Variants in C17orf113 observed in about 807,000 individuals in gnomAD.
The protein encoded by C17orf113 is chromosome 17 open reading frame 113.
Under a neutral mutation model 11.6 loss-of-function variants are expected in C17orf113, and 5 were observed. The observed-to-expected ratio is 0.43, with a 90% CI of 0.23 to 0.91. The LOEUF is 0.91. Among genes scored for constraint, C17orf113 ranks in the 40% least tolerant of loss-of-function variants. The probability of loss-of-function intolerance (pLI) is 0.26; values close to 1 mark genes in which losing one functional copy is unlikely to be tolerated. For synonymous variants in C17orf113, 327 were observed against 390.6 expected (o/e 0.84, Z 1.92); for missense variants, 714 against 841.3 (o/e 0.85, Z 1.87).
chr17:42,043,726 G>A (rs2053083182), intron 1 of C17orf113, among the ~76,000 whole-genome samples, 163 bp from the exon 2 acceptor site: 1 of 152,070 alleles, frequency 6.6e-6, no homozygotes, highest in African/African-American at 2.4e-5. Flanking sequence ...TCATGCAAAG[G>A]GCCCTAGAGC....
chr17:42,041,080 AG>A lies in C17orf113; in HGVS notation c.652del (p.Leu218TrpfsTer143). On this transcript the variant is annotated frameshift_variant, in exon 3 of 3. Transcript: ENST00000587304. LOFTEE classifies it low-confidence loss of function (END_TRUNC). ...ETRDWPESHSLALFATSVSPC... is the reference protein window; with the variant it reads ...ETRDWPESHSXALFATSVSPC... ...GGACACTGAAGTGGCAAACAGGGCCAGGCTGTGTGACTCCGGCCAGTCTCTG... is the reference window on the plus strand; with the variant it reads ...GGACACTGAAGTGGCAAACAGGGCCAGCTGTGTGACTCCGGCCAGTCTCTG... The A allele has an allele frequency of 8.1e-7, 1 of 1,232,402 alleles. No homozygotes were observed. The highest frequency in any genetic ancestry group is 1.0e-6 in the Non-Finnish European group (1 of 988,110). 76.3% of individuals were successfully genotyped at this position (1,232,402 alleles called of 1,614,324 possible).
At chr17:42,048,620 T>G (rs1187940495) in intron 1 of C17orf113, among the ~76,000 whole-genome samples, 1 of 152,126 alleles carries the variant, frequency 6.6e-6, no homozygotes, top group Non-Finnish European at 1.5e-5. Context: ...CCATCCTTCT[T>G]CCTAGGTGCC....
intron 1 of C17orf113, among the ~76,000 whole-genome samples, chr17:42,046,827 G>C (rs2053170225): frequency 6.8e-6 from 1 of 147,082 alleles, no homozygotes; most frequent in Non-Finnish European, 1.5e-5. Flanking sequence ...AAGAACTCTT[G>C]TTTCTGAGAC....
Position 42,039,915 on chromosome 17 carries a change from C to T in C17orf113, c.1818G>A (p.Ala606=), listed in dbSNP as rs1044121932. Residue 606 remains alanine, a synonymous_variant, in exon 3 of 3, where the codon GCG becomes GCA. Transcript: ENST00000587304. ...DFAALAALAL[A]LPAGAGLLDK... is the part of the protein sequence containing the mutation. ...CCAGCAGGCCAGCGCCCGCGGGCAG[C>T]GCCAAAGCCAAGGCGGCTAGGGCGG... 1.8e-4 allele frequency: 223 copies of T among 1,231,158 alleles called. No individual in the cohort carries two copies. Among genetic ancestry groups the T allele is most frequent in the Non-Finnish European group, 2.2e-4 (215 of 987,636 alleles). The allele number at this position is 1,231,158 out of a possible 1,614,324, so 76.3% of individuals were successfully genotyped here.
In C17orf113 at chr17:42,040,486, A is replaced by C; in HGVS notation, c.1247T>G (p.Leu416Arg). Residue 416 changes from leucine (L) to arginine (R), a missense_variant, in exon 3 of 3, where the codon CTT becomes CGT. Leu to Arg is a moderately radical substitution (Grantham distance 102). Transcript: ENST00000587304. ...DALPSVQKLS[L>R]VLQAEEPDLA... The stretch of plus-strand genomic sequence containing the variant: ...GTCCGGCTCTTCTGCCTGCAGGACA[A>C]GGGAGAGCTTCTGCACAGAGGGCAG... 1.6e-6 allele frequency: 2 copies of C among 1,232,400 alleles called. No homozygotes were observed. Among genetic ancestry groups the C allele is most frequent in the East Asian group, 3.2e-5 (1 of 31,696 alleles). The allele number at this position is 1,232,400 out of a possible 1,614,324, so 76.3% of individuals were successfully genotyped here.
At position 42,043,209 on chromosome 17, in the gene C17orf113, C is replaced by G; in HGVS notation, c.168G>C (p.Lys56Asn). 1 of 1,232,280 alleles carries G rather than the reference C, an allele frequency of 8.1e-7. No homozygotes were observed. The highest frequency in any genetic ancestry group is 3.2e-5 in the East Asian group (1 of 31,706). The allele number at this position is 1,232,280 out of a possible 1,614,324, so 76.3% of individuals were successfully genotyped here. ...TGAAGGCGTTTTCGGCTTTGCCATG[C>G]TTGTTCCGTACCAGGGCCTGGCGGC... The part of the protein sequence containing the change: ...LECRQALVRN[K>N]HGKAENAFTV... The change falls in exon 2 of 3, where the codon AAG (lysine) becomes AAC (asparagine). Residue 56 changes from lysine (K) to asparagine (N), a missense_variant. Physicochemically the swap from Lys to Asn is moderately conservative, Grantham distance 94. Coordinates refer to ENST00000587304, the MANE Select transcript of C17orf113 (RefSeq NM_001358661.2).
Position 42,041,003 on chromosome 17 carries a change from C to A in C17orf113, c.730G>T (p.Glu244Ter). The change falls in exon 3 of 3, where the codon GAG (glutamate) becomes TAG (stop). Residue 244 changes from glutamate to a stop codon, truncating the protein, a stop_gained. Transcript: ENST00000587304. LOFTEE classifies it low-confidence loss of function (END_TRUNC). The part of the protein sequence containing the change: ...TTFLGSVELQ[E>*]GEATAGQLLD... ...AGCTGGCCAGCAGTGGCCTCGCCCT[C>A]CTGTAGCTCCACACTGCCCAGGAAG... 8.1e-7 allele frequency: 1 copy of A among 1,232,326 alleles called. No homozygotes were observed. Among genetic ancestry groups the A allele is most frequent in the Non-Finnish European group, 1.0e-6 (1 of 988,062 alleles). 76.3% of individuals were successfully genotyped at this position (1,232,326 alleles called of 1,614,324 possible).
intron 2 of C17orf113, among the ~76,000 whole-genome samples, chr17:42,042,544 A>G (rs147561839): frequency 1.3e-5 from 2 of 152,058 alleles, no homozygotes; most frequent in South Asian, 2.1e-4. Flanking sequence ...AATTAAATAC[A>G]TCTGTGGGTC....
At position 42,038,435 on chromosome 17, in the gene C17orf113, G is replaced by C. The variant is rs1013417713; in HGVS notation, c.*1270C>G. 2.5e-5 allele frequency: 5 copies of C among 203,996 alleles called. No homozygotes were observed. 12.6% of individuals were successfully genotyped at this position (203,996 alleles called of 1,614,324 possible). Reference sequence around the variant, plus strand: ...CCCCAGCTCTGATGAGGCCTAAACTGCTTCCCCCAGGAGGTAAATAAGCCA... The same window carrying C: ...CCCCAGCTCTGATGAGGCCTAAACTCCTTCCCCCAGGAGGTAAATAAGCCA... On this transcript the variant is annotated 3_prime_UTR_variant, in exon 3 of 3. Transcript: ENST00000587304.
intron 1 of C17orf113, among the ~76,000 whole-genome samples, chr17:42,044,152 A>AG (rs2053093259): frequency 6.7e-6 from 1 of 149,098 alleles, no homozygotes; most frequent in Non-Finnish European, 1.5e-5. Context: ...AAAAAAAAAA[A>AG]AAAAAAAAAA....
chr17:42,039,335 C>T lies in C17orf113; in HGVS notation c.*370G>A, dbSNP rs1555655802. On this transcript the variant is annotated 3_prime_UTR_variant, in exon 3 of 3. Transcript: ENST00000587304. ...TCCGTTCCCTCAGCCACTCAATTTCCAAGACCTAGTCTTCCTTCCCCAAGC... is the reference window on the plus strand; with the variant it reads ...TCCGTTCCCTCAGCCACTCAATTTCTAAGACCTAGTCTTCCTTCCCCAAGC... 1 of 213,972 alleles carries T rather than the reference C, an allele frequency of 4.7e-6. No individual in the cohort carries two copies. Among genetic ancestry groups the T allele is most frequent in the African/African-American group, 2.3e-5 (1 of 43,776 alleles). 13.3% of individuals were successfully genotyped at this position (213,972 alleles called of 1,614,324 possible). A position where few individuals can be genotyped will look rare whatever the true frequency, so the allele number is the denominator to read the frequency against.
intron 1 of C17orf113, among the ~76,000 whole-genome samples, chr17:42,049,601 A>G (rs1555656925): frequency 6.6e-6 from 1 of 152,250 alleles, no homozygotes; most frequent in African/African-American, 2.4e-5. Flanking sequence ...CTGTGATTCT[A>G]TGACCTTGCC....
chr17:42,042,320 G>A (rs1015259892), intron 2 of C17orf113, among the ~76,000 whole-genome samples: 11 of 152,118 alleles, frequency 7.2e-5, no homozygotes, highest in Non-Finnish European at 1.2e-4. Context: ...TCAGGAGTTC[G>A]AAACTGGCCT....
At position 42,043,133 on chromosome 17, in the gene C17orf113, A is replaced by G. The variant is rs782343616; in HGVS notation, c.244T>C (p.Ser82Pro). ...GCCAGAGCCTGGCGGTGGGCTCCTG[A>G]GGTCACGTGGCGCAGCAGGGCGTGG... ...QRHALLRHVT[S>P]GAHRQALAVN... Residue 82 changes from serine (S) to proline (P), a missense_variant, in exon 2 of 3, where the codon TCA becomes CCA. Physicochemically the swap from Ser to Pro is moderately conservative, Grantham distance 74 (BLOSUM62 -1). This residue lies in a region of C17orf113 where 516 missense variants were observed against 626.6 expected (regional missense o/e 0.82). Coordinates refer to ENST00000587304, the MANE Select transcript of C17orf113 (RefSeq NM_001358661.2). 9 of 1,231,990 alleles carry G rather than the reference A, an allele frequency of 7.3e-6. No individual in the cohort carries two copies. The highest frequency in any genetic ancestry group is 9.1e-6 in the Non-Finnish European group (9 of 988,000). 76.3% of individuals were successfully genotyped at this position (1,231,990 alleles called of 1,614,324 possible).
At position 42,041,029 on chromosome 17, in the gene C17orf113, G is replaced by T. The variant is rs2053006543; in HGVS notation, c.704C>A (p.Thr235Asn). The T allele has an allele frequency of 4.1e-6, 5 of 1,232,252 alleles. No homozygotes were observed. The Admixed American group carries it at 2.1e-4, about 52-fold the overall frequency. The allele number at this position is 1,232,252 out of a possible 1,614,324, so 76.3% of individuals were successfully genotyped here. Reference sequence around the variant, plus strand: ...CTGTAGCTCCACACTGCCCAGGAAGGTGGTGGCGGGCTGGCCATCACAGGG... The same window carrying T: ...CTGTAGCTCCACACTGCCCAGGAAGTTGGTGGCGGGCTGGCCATCACAGGG... ...VSPCDGQPAT[T>N]FLGSVELQEG... The change falls in exon 3 of 3, where the codon ACC (threonine) becomes AAC (asparagine). Residue 235 changes from threonine to asparagine, a missense_variant. Physicochemically the swap from Thr to Asn is moderately conservative, Grantham distance 65 (BLOSUM62 0). Transcript: ENST00000587304.
Position 42,038,306 on chromosome 17 carries a change from C to A in C17orf113, c.*1399G>T. The A allele has an allele frequency of 2.0e-6, 1 of 498,268 alleles. No individual in the cohort carries two copies. The allele number at this position is 498,268 out of a possible 1,614,324, so 30.9% of individuals were successfully genotyped here. A position where few individuals can be genotyped will look rare whatever the true frequency, so the allele number is the denominator to read the frequency against. On this transcript the variant is annotated 3_prime_UTR_variant, in exon 3 of 3. Coordinates refer to ENST00000587304, the MANE Select transcript of C17orf113 (RefSeq NM_001358661.2). ...TATTAGGAAAAGGCTAGCCCTCGCC[C>A]CTCTCACTCTCTAACTATCCTCCCT...
In C17orf113 at chr17:42,043,083, A is replaced by G; in HGVS notation, c.294T>C (p.Phe98=). 2 of 1,232,174 alleles carry G rather than the reference A, an allele frequency of 1.6e-6. No individual in the cohort carries two copies. The highest frequency in any genetic ancestry group is 2.0e-6 in the Non-Finnish European group (2 of 987,982). The allele number at this position is 1,232,174 out of a possible 1,614,324, so 76.3% of individuals were successfully genotyped here. Reference sequence around the variant, plus strand: ...CCCCTCCACCTTCAGCCTGGCCCTCAAAAGGGGGCTGGCCCTGGTTGACAG... The same window carrying G: ...CCCCTCCACCTTCAGCCTGGCCCTCGAAAGGGGGCTGGCCCTGGTTGACAG... The part of the protein sequence containing the change: ...ALAVNQGQPP[F]EGQAEGGGAC... Residue 98 remains phenylalanine (F), a synonymous_variant, in exon 2 of 3, where the codon TTT becomes TTC. Coordinates refer to ENST00000587304, the MANE Select transcript of C17orf113 (RefSeq NM_001358661.2).
chr17:42,046,114 C>G (rs549260799), intron 1 of C17orf113, among the ~76,000 whole-genome samples: 1 of 152,328 alleles, frequency 6.6e-6, no homozygotes, highest in East Asian at 1.9e-4. Flanking sequence ...GGTAGCCATC[C>G]TCTAGTTCCC....
Position 42,042,721 on chromosome 17 carries a change from T to C in C17orf113, c.543+113A>G, listed in dbSNP as rs1555656254. 41 of 762,472 alleles carry C rather than the reference T, an allele frequency of 5.4e-5. No homozygotes were observed. The East Asian group carries it at 1.4e-3, about 25-fold the overall frequency. The allele number at this position is 762,472 out of a possible 1,614,324, so 47.2% of individuals were successfully genotyped here. A position where few individuals can be genotyped will look rare whatever the true frequency, so the allele number is the denominator to read the frequency against. On this transcript the variant is annotated intron_variant, in intron 2 of 2. Transcript: ENST00000587304. ...GGGAAGGTTCTGAAGGGTGAAGATA[T>C]GAATGAAATGCCCTAGCTGCTCCCC...
Sources: allele counts gnomAD v4.1 joint callset (sites outside exome capture counted in the v4.1 genomes callset), GRCh38; gene constraint gnomAD v4.1.1; regional missense constraint gnomAD v4.1.1; transcripts MANE v1.5; gene names NCBI Gene and HGNC (gene_info 2026-07-23, HGNC 2026-07-21).